Variants in HUNK observed in about 807,000 individuals in gnomAD.
HUNK encodes the protein hormonally up-regulated Neu-associated kinase.
In HUNK, 21 loss-of-function variants were observed where a neutral mutation model predicts 61.0. That is an observed-to-expected ratio of 0.34 (90% CI 0.24 to 0.50). HUNK has a LOEUF of 0.50. HUNK is among the 20% of genes least tolerant of loss of function. The probability of loss-of-function intolerance (pLI) is 0.98; values close to 1 mark genes in which losing one functional copy is unlikely to be tolerated. For missense variants in HUNK, 772 were observed against 945.7 expected, an observed-to-expected ratio of 0.82 and a Z score of 2.41; for synonymous variants, 371 against 386.1, an observed-to-expected ratio of 0.96 and a Z score of 0.46.
chr21:31,968,751 T>A (rs75015758), intron 6 of HUNK, among the ~76,000 whole-genome samples: 40,725 of 106,016 alleles, frequency 0.38, 5,876 homozygotes, highest in South Asian at 0.54. Context: ...TGTGTGTGTG[T>A]GTGAGAGAGA....
At position 31,946,118 on chromosome 21, in the gene HUNK, A is replaced by T. The variant is rs371506151; in HGVS notation, c.693A>T (p.Ala231=). 74 of 1,613,244 alleles carry T rather than the reference A, an allele frequency of 4.6e-5. No individual in the cohort carries two copies. Among genetic ancestry groups the T allele is most frequent in the Non-Finnish European group, 5.9e-5 (70 of 1,179,370 alleles). The change falls in exon 4 of 11, where the codon GCA becomes GCT. Residue 231 remains alanine, a synonymous_variant. Transcript: ENST00000270112. ...AGTGTGGCAGCCCTGCCTACGCTGC[A>T]CCTGAACTGCTCGCCAGGAAGAAAT... ...STQCGSPAYA[A]PELLARKKYG...
intron 9 of HUNK, among the ~76,000 whole-genome samples, chr21:31,990,560 G>A (rs138590677): frequency 8.7e-6 from 1 of 115,494 alleles, no homozygotes; most frequent in African/African-American, 3.8e-5. Context: ...TTTATTTATT[G>A]AGTCTCGCTC....
chr21:31,990,096 T>C, intron 8 of HUNK, 33 bp from the exon 9 acceptor site: 1 of 1,603,058 alleles, frequency 6.2e-7, no homozygotes, highest in Non-Finnish European at 8.5e-7. Flanking sequence ...AGGTGCAGAT[T>C]CTCGAATTGT....
chr21:31,940,130 T>A (rs1440006760), intron 2 of HUNK, 35 bp from the exon 3 acceptor site: 1 of 1,520,776 alleles, frequency 6.6e-7, no homozygotes, highest in African/African-American at 1.4e-5. Flanking sequence ...TTTCGAATGC[T>A]TATCTGAAAT....
intron 6 of HUNK, among the ~76,000 whole-genome samples, chr21:31,971,559 GT>G (rs2053011166): frequency 6.6e-6 from 1 of 152,172 alleles, no homozygotes; most frequent in Non-Finnish European, 1.5e-5. Flanking sequence ...TATAAAGTAT[GT>G]TTTATAGTTT....
At chr21:31,973,678 T>C (rs1475751734) in intron 6 of HUNK, among the ~76,000 whole-genome samples, 1 of 152,160 alleles carries the variant, frequency 6.6e-6, no homozygotes, top group Non-Finnish European at 1.5e-5. Context: ...TTCTTAATTC[T>C]AGGGCTGTCA....
chr21:31,981,204 A>C (rs1033014761), intron 7 of HUNK, among the ~76,000 whole-genome samples: 8 of 151,878 alleles, frequency 5.3e-5, no homozygotes, highest in Non-Finnish European at 2.9e-5. Context: ...TTTCTATTCC[A>C]TTGGTCTATG....
intron 1 of HUNK, among the ~76,000 whole-genome samples, 179 bp downstream of exon 1, chr21:31,874,114 A>AG (rs71838131): frequency 1 from 152,049 of 152,054 alleles, 76,022 homozygotes; most frequent in Middle Eastern, 1. Flanking sequence ...CCTTTCCCGA[A>AG]GGCGGCCTGC....
chr21:31,894,460 TA>T (rs1467935058), intron 1 of HUNK, among the ~76,000 whole-genome samples: 1 of 152,160 alleles, frequency 6.6e-6, no homozygotes, highest in Non-Finnish European at 1.5e-5. Flanking sequence ...GCTTAAAAAA[TA>T]AAACAAACGT....
chr21:31,900,055 A>G (rs966357783), intron 1 of HUNK, among the ~76,000 whole-genome samples: 1 of 152,012 alleles, frequency 6.6e-6, no homozygotes, highest in East Asian at 1.9e-4. Flanking sequence ...GATTACAGGC[A>G]TGAGCCACTG....
At chr21:31,987,590 GT>G (rs1568942212) in intron 8 of HUNK, among the ~76,000 whole-genome samples, 1 of 152,218 alleles carries the variant, frequency 6.6e-6, no homozygotes, top group Non-Finnish European at 1.5e-5. Flanking sequence ...CATGGTGAGC[GT>G]TTTAAACATT....
At position 31,946,028 on chromosome 21, in the gene HUNK, C is replaced by T. The variant is rs1005916664; in HGVS notation, c.611-8C>T. 4 of 1,587,196 alleles carry T rather than the reference C, an allele frequency of 2.5e-6. No individual in the cohort carries two copies. Among genetic ancestry groups the T allele is most frequent in the Non-Finnish European group, 3.4e-6 (4 of 1,160,110 alleles). The stretch of plus-strand genomic sequence containing the variant: ...TTCGGAGCTTGTTTTGTTCACCTCT[C>T]TTTGCAGACTTTGGTTTGAGCAACT... On this transcript the variant is annotated splice_polypyrimidine_tract_variant and splice_region_variant and intron_variant, in intron 3 of 10. Coordinates refer to ENST00000270112, the MANE Select transcript of HUNK (RefSeq NM_014586.2).
At chr21:31,985,606 C>T (rs1481506762) in intron 8 of HUNK, among the ~76,000 whole-genome samples, 3 of 152,208 alleles carry the variant, frequency 2.0e-5, no homozygotes, top group East Asian at 3.9e-4. Context: ...TGGAGGTGGC[C>T]GGCAGTGGGC....
At chr21:31,923,150 GA>G (rs2052634055) in intron 1 of HUNK, among the ~76,000 whole-genome samples, 1 of 152,152 alleles carries the variant, frequency 6.6e-6, no homozygotes, top group African/African-American at 2.4e-5. Flanking sequence ...GAAGAAAAAA[GA>G]AGGAACAGGG....
intron 7 of HUNK, among the ~76,000 whole-genome samples, chr21:31,977,164 T>C (rs2053056259): frequency 6.6e-6 from 1 of 152,232 alleles, no homozygotes; most frequent in African/African-American, 2.4e-5. Flanking sequence ...GTACATGATA[T>C]ATTCGTACAA....
At chr21:31,881,039 A>G (rs1431078038) in intron 1 of HUNK, among the ~76,000 whole-genome samples, 3 of 152,228 alleles carry the variant, frequency 2.0e-5, no homozygotes, top group Non-Finnish European at 4.4e-5. Flanking sequence ...CTGCCCAGGC[A>G]AGGGGCATGG....
At chr21:31,914,118 T>G (rs1027779997) in intron 1 of HUNK, among the ~76,000 whole-genome samples, 23 of 151,950 alleles carry the variant, frequency 1.5e-4, no homozygotes, top group Admixed American at 5.9e-4. Context: ...CTGTAAGACC[T>G]GGCCCTAGGC....
chr21:31,943,114 G>A (rs1012613585), intron 3 of HUNK, among the ~76,000 whole-genome samples: 11 of 151,734 alleles, frequency 7.2e-5, no homozygotes, highest in Non-Finnish European at 1.5e-4. Context: ...GGTGATTATA[G>A]CTATTATGAT....
intron 2 of HUNK, among the ~76,000 whole-genome samples, chr21:31,928,131 A>G (rs1448515349): frequency 6.6e-6 from 1 of 152,182 alleles, no homozygotes; most frequent in Non-Finnish European, 1.5e-5. Context: ...AAAGGCAGAA[A>G]CCTCACAAGT....
Sources: gnomAD v4.1 joint callset for allele counts (sites outside exome capture counted in the v4.1 genomes callset) on GRCh38, gnomAD v4.1.1 for gene constraint, MANE v1.5 for transcripts, NCBI Gene and HGNC (gene_info 2026-07-23, HGNC 2026-07-21) for gene names.